ZNF277: variants seen among roughly 807,000 people sequenced by gnomAD.
The protein encoded by ZNF277 is nuclear receptor-interacting factor 4.
Under a neutral mutation model 60.7 loss-of-function variants are expected in ZNF277, and 55 were observed. The ratio of observed to expected loss-of-function variants is 0.91; its 90% CI spans 0.73 to 1.13. The LOEUF (loss-of-function observed/expected upper bound fraction) is 1.13, where lower values mean the gene tolerates loss of function less well. Among genes scored for constraint, ZNF277 ranks in the 50% most tolerant of loss-of-function variants. ZNF277 has a pLI of 0.00. For missense variants in ZNF277, 510 were observed against 523.0 expected (o/e 0.98, Z 0.24); for synonymous variants, 178 against 179.3 (o/e 0.99, Z 0.06).
chr7:112,264,258 C>T (rs1791497948), intron 1 of ZNF277, among the ~76,000 whole-genome samples: 1 of 152,020 alleles, frequency 6.6e-6, no homozygotes, highest in African/African-American at 2.4e-5. Flanking sequence ...ACACTTTTGC[C>T]TAGAATGCAA....
At chr7:112,315,194 G>C (rs1468965751) in intron 4 of ZNF277, among the ~76,000 whole-genome samples, 1 of 152,114 alleles carries the variant, frequency 6.6e-6, no homozygotes, top group East Asian at 1.9e-4. Flanking sequence ...ATCTGAGGAA[G>C]ATATTGGAAG....
chr7:112,291,667 T>TTGATCTGCTATC (rs1443339697), intron 2 of ZNF277, among the ~76,000 whole-genome samples: 2 of 152,178 alleles, frequency 1.3e-5, no homozygotes, highest in Non-Finnish European at 2.9e-5. Context: ...TCTGCTATCT[T>TTGATCTGCTATC]TATTCTATCA....
chr7:112,336,286 G>A (rs1421708547), intron 8 of ZNF277, 115 bp downstream of exon 8: 2 of 855,508 alleles, frequency 2.3e-6, no homozygotes, highest in Non-Finnish European at 3.5e-6. Context: ...TACCTTCTCT[G>A]AGCCATGCAT....
intron 1 of ZNF277, among the ~76,000 whole-genome samples, chr7:112,268,257 C>G (rs116534313): frequency 6.6e-6 from 1 of 150,898 alleles, no homozygotes; most frequent in African/African-American, 2.5e-5. Flanking sequence ...TGCACACACA[C>G]GCACACACAA....
chr7:112,286,892 G>A lies in ZNF277; in HGVS notation c.111G>A (p.Leu37=). 1.4e-6 allele frequency: 2 copies of A among 1,395,972 alleles called. No homozygotes were observed. Among genetic ancestry groups the A allele is most frequent in the Non-Finnish European group, 2.0e-6 (2 of 1,022,280 alleles). The allele number at this position is 1,395,972 out of a possible 1,614,324, so 86.5% of individuals were successfully genotyped here. A position where few individuals can be genotyped will look rare whatever the true frequency, so the allele number is the denominator to read the frequency against. The part of the protein sequence containing the change: ...VGYGDSKDCI[L]EPLSLPESPG... ...TTCCAGACAGTAAGGATTGTATCCT[G>A]GAGCCGCTTTCCCTGCCAGAAAGTC... The change falls in exon 2 of 12, where the codon CTG becomes CTA. Residue 37 remains leucine (L), a synonymous_variant. Transcript: ENST00000361822.
intron 1 of ZNF277, among the ~76,000 whole-genome samples, chr7:112,243,374 A>AC (rs1791004553): frequency 6.6e-6 from 1 of 152,030 alleles, no homozygotes; most frequent in African/African-American, 2.4e-5. Flanking sequence ...AACAGAAAAA[A>AC]TTAACAGAAT....
Position 112,248,346 on chromosome 7 carries a change from A to AT in ZNF277, c.92-38515dup, listed in dbSNP as rs897252402. Among the ~76,000 whole-genome samples the AT allele has an allele frequency of 3.4e-3, 486 of 143,952 alleles. 6 individuals are homozygous for AT. The highest frequency in any genetic ancestry group is 0.025 in the East Asian group (124 of 4,908). The allele number at this position is 143,952 out of a possible 152,430, so 94.4% of individuals were successfully genotyped here. A position where few individuals can be genotyped will look rare whatever the true frequency, so the allele number is the denominator to read the frequency against. On this transcript the variant is annotated intron_variant, in intron 1 of 11. Transcript: ENST00000361822. ...GCAGTTCTTATATTTGGTTGGTTTTATTTTTTTTTTTTCATAAAGAGAACA... is the reference window on the plus strand; with the variant it reads ...GCAGTTCTTATATTTGGTTGGTTTTATTTTTTTTTTTTTCATAAAGAGAACA...
At chr7:112,217,829 G>A (rs1239283488) in intron 1 of ZNF277, among the ~76,000 whole-genome samples, 1 of 152,098 alleles carries the variant, frequency 6.6e-6, no homozygotes, top group Admixed American at 6.6e-5. Flanking sequence ...TAAGATTAGT[G>A]TTTGAGATAT....
chr7:112,251,277 T>C (rs762476114), intron 1 of ZNF277, among the ~76,000 whole-genome samples: 14 of 152,158 alleles, frequency 9.2e-5, no homozygotes, highest in Admixed American at 1.3e-4. Flanking sequence ...AGGAGCCTCA[T>C]TGGGGATGAA....
chr7:112,311,437 A>G (rs75014145), intron 4 of ZNF277, among the ~76,000 whole-genome samples: 6,681 of 152,246 alleles, frequency 0.044, 359 homozygotes, highest in African/African-American at 0.13. Context: ...AGAGGCTCAA[A>G]TGTATAATGT....
chr7:112,343,934 G>GAAAAAAAA (rs58956925), downstream of ZNF277, among the ~76,000 whole-genome samples: 2 of 113,876 alleles, frequency 1.8e-5, no homozygotes. Context: ...TCAAAAAAAG[G>GAAAAAAAA]AAAAAAAAAA....
chr7:112,321,351 C>G (rs1035376391), intron 5 of ZNF277, among the ~76,000 whole-genome samples: 2 of 152,040 alleles, frequency 1.3e-5, no homozygotes, highest in African/African-American at 4.8e-5. Flanking sequence ...TATGCAAAAA[C>G]TTTGCTCCAA....
chr7:112,338,226 T>C (rs1240195764), intron 9 of ZNF277, among the ~76,000 whole-genome samples: 1 of 152,176 alleles, frequency 6.6e-6, no homozygotes, highest in East Asian at 1.9e-4. Context: ...AGAGAGGAGC[T>C]AGGGCATGAT....
chr7:112,342,167 G>C (rs937788417), intron 11 of ZNF277, among the ~76,000 whole-genome samples: 1 of 152,132 alleles, frequency 6.6e-6, no homozygotes, highest in Non-Finnish European at 1.5e-5. Context: ...AAATGAGAAA[G>C]ATGTCATTTT....
chr7:112,294,793 A>C (rs976636182), intron 2 of ZNF277, among the ~76,000 whole-genome samples: 4 of 152,198 alleles, frequency 2.6e-5, no homozygotes, highest in African/African-American at 9.7e-5. Context: ...TGTTAAGAAA[A>C]AAATTAATAA....
Position 112,206,806 on chromosome 7 carries a change from G to A in ZNF277, c.90G>A (p.Gly30=), listed in dbSNP as rs535249279. The part of the protein sequence containing the change: ...SCSTVGGVGY[G]DSKDCILEPL... Reference sequence around the variant, plus strand: ...GCACAGTCGGGGGTGTAGGTTATGGGGGTGAGTACGGTGCCCCGGAGGCGC... The same window carrying A: ...GCACAGTCGGGGGTGTAGGTTATGGAGGTGAGTACGGTGCCCCGGAGGCGC... The change falls in exon 1 of 12, where the codon GGG becomes GGA. Residue 30 remains glycine, a splice_region_variant and synonymous_variant. Transcript: ENST00000361822. 6.2e-7 allele frequency: 1 copy of A among 1,612,822 alleles called. No individual in the cohort carries two copies. The highest frequency in any genetic ancestry group is 1.3e-5 in the African/African-American group (1 of 74,954).
intron 2 of ZNF277, among the ~76,000 whole-genome samples, chr7:112,292,849 C>T (rs911779997): frequency 6.6e-6 from 1 of 152,130 alleles, no homozygotes; most frequent in African/African-American, 2.4e-5. Context: ...ACTATTTTGT[C>T]TTTTTCATCA....
In ZNF277 at chr7:112,206,787, T is replaced by G. The variant is rs1447519128; in HGVS notation, c.71T>G (p.Val24Gly). The G allele has an allele frequency of 6.2e-7, 1 of 1,613,082 alleles. No individual in the cohort carries two copies. The highest frequency in any genetic ancestry group is 1.3e-5 in the African/African-American group (1 of 74,818). ...QEDRDGSCST[V>G]GGVGYGDSKD... ...GACCGTGATGGGAGCTGCAGCACAGTCGGGGGTGTAGGTTATGGGGGTGAG... is the reference window on the plus strand; with the variant it reads ...GACCGTGATGGGAGCTGCAGCACAGGCGGGGGTGTAGGTTATGGGGGTGAG... The change falls in exon 1 of 12, where the codon GTC becomes GGC. Residue 24 changes from valine (V) to glycine (G), a missense_variant. Val to Gly is a moderately radical substitution (Grantham distance 109). Coordinates refer to ENST00000361822, the MANE Select transcript of ZNF277 (RefSeq NM_021994.3).
chr7:112,330,310 C>A, intron 7 of ZNF277, 94 bp downstream of exon 7: 1 of 1,274,476 alleles, frequency 7.8e-7, no homozygotes, highest in Non-Finnish European at 1.1e-6. Context: ...GCAATTATTG[C>A]AAAAGTCAAA....
Sources: allele counts gnomAD v4.1 joint callset (sites outside exome capture counted in the v4.1 genomes callset), GRCh38; gene constraint gnomAD v4.1.1; transcripts MANE v1.5; gene names NCBI Gene and HGNC (gene_info 2026-07-23, HGNC 2026-07-21).